CAST: variants seen among roughly 807,000 people sequenced by gnomAD.
The protein encoded by CAST is calpastatin.
Under a neutral mutation model 119.6 loss-of-function variants are expected in CAST, and 76 were observed. The observed-to-expected ratio is 0.64, with a 90% CI of 0.53 to 0.77. CAST has a LOEUF of 0.77. CAST is among the 30% of genes least tolerant of loss of function. The probability of loss-of-function intolerance (pLI) is 0.00; values close to 1 mark genes in which losing one functional copy is unlikely to be tolerated. For synonymous variants in CAST, 319 were observed against 331.6 expected, an observed-to-expected ratio of 0.96 and a Z score of 0.41; for missense variants, 953 against 946.5, an observed-to-expected ratio of 1.01 and a Z score of -0.09.
intron 28 of CAST, 60 bp from the exon 29 acceptor site, chr5:96,767,847 C>T: frequency 1.1e-6 from 1 of 951,450 alleles, no homozygotes; most frequent in Non-Finnish European, 1.7e-6. Context: ...TGGGAAAAGA[C>T]CCCATATTGC....
At chr5:96,340,810 C>T in the CAST span, among the ~76,000 whole-genome samples, 6 of 152,130 alleles carry the variant, frequency 3.9e-5, no homozygotes, top group African/African-American at 1.4e-4. Flanking sequence ...CCAAGCTCTA[C>T]GCAGTATATA....
At chr5:96,620,917 C>T (rs1472190299) in intron 1 of CAST, among the ~76,000 whole-genome samples, 4 of 152,100 alleles carry the variant, frequency 2.6e-5, no homozygotes, top group South Asian at 2.1e-4. Context: ...TTTCAGTCAC[C>T]GTATGTGGTT....
In CAST at chr5:96,558,466, C is replaced by G. The variant is rs192258978; in HGVS notation, c.60+28586C>G. On this transcript the variant is annotated intron_variant, in intron 1 of 11. Transcript: ENST00000505143. ...CAAAATTGAGAGACCACTAGCAAGA[C>G]TAATAAAGAAGAAAAGAGAGAAGAA... Among the ~76,000 whole-genome samples the G allele has an allele frequency of 7.3e-3, 1,106 of 151,986 alleles. 10 individuals carry two copies. Among genetic ancestry groups the G allele is most frequent in the African/African-American group, 0.025 (1,055 of 41,434 alleles).
chr5:96,603,759 CTTTTTTTT>C (rs70981832), intron 1 of CAST, among the ~76,000 whole-genome samples: 4 of 79,498 alleles, frequency 5.0e-5, no homozygotes, highest in South Asian at 6.0e-4. Context: ...GTGCTGTACT[CTTTTTTTT>C]TTTTTTTTTT....
At chr5:96,513,130 G>A in the CAST span, among the ~76,000 whole-genome samples, 1 of 152,184 alleles carries the variant, frequency 6.6e-6, no homozygotes, top group Non-Finnish European at 1.5e-5. Context: ...CTGCTAATTG[G>A]TTGTATGACC....
At chr5:96,047,584 A>G in the CAST span, among the ~76,000 whole-genome samples, 5 of 152,210 alleles carry the variant, frequency 3.3e-5, no homozygotes, top group Non-Finnish European at 1.5e-5. Flanking sequence ...TTAAAATAGA[A>G]TTGTAAAATA....
At chr5:96,221,860 T>G in the CAST span, among the ~76,000 whole-genome samples, 2 of 151,942 alleles carry the variant, frequency 1.3e-5, no homozygotes, top group Admixed American at 1.3e-4. Flanking sequence ...TCAAAGTATA[T>G]TACAAGGCTA....
intron 1 of CAST, among the ~76,000 whole-genome samples, chr5:96,642,114 C>T (rs1301879471): frequency 6.6e-6 from 1 of 152,190 alleles, no homozygotes; most frequent in African/African-American, 2.4e-5. Flanking sequence ...TATAAGCTCT[C>T]CAGAAACCAA....
At chr5:96,693,010 G>C (rs1171217800) in intron 2 of CAST, among the ~76,000 whole-genome samples, 1 of 152,246 alleles carries the variant, frequency 6.6e-6, no homozygotes, top group Non-Finnish European at 1.5e-5. Flanking sequence ...TTACCAATCT[G>C]AAAGTAAGGA....
chr5:96,203,125 A>C, the CAST span, among the ~76,000 whole-genome samples: 3 of 152,136 alleles, frequency 2.0e-5, no homozygotes, highest in African/African-American at 7.2e-5. Context: ...GATTTACAAA[A>C]AAAGATCACA....
At chr5:96,199,525 A>G in the CAST span, among the ~76,000 whole-genome samples, 1 of 152,154 alleles carries the variant, frequency 6.6e-6, no homozygotes, top group African/African-American at 2.4e-5. Context: ...CCAATTCTTG[A>G]TGTACCTATT....
At chr5:96,743,698 C>G (rs26506) in intron 16 of CAST, 3 of 1,611,932 alleles carry the variant, frequency 1.9e-6, no homozygotes, top group African/African-American at 2.7e-5. Flanking sequence ...AGCTTTGTGA[C>G]GGTGAACGCA....
chr5:96,492,152 A>G, the CAST span, among the ~76,000 whole-genome samples: 2 of 152,198 alleles, frequency 1.3e-5, no homozygotes, highest in Non-Finnish European at 2.9e-5. Context: ...GCATGCTTAA[A>G]TAAAATAATT....
the CAST span, among the ~76,000 whole-genome samples, chr5:96,447,361 A>G: frequency 1.3e-5 from 2 of 152,228 alleles, no homozygotes; most frequent in Non-Finnish European, 2.9e-5. Flanking sequence ...ATAAGGACCA[A>G]TTTCCAGAGA....
the CAST span, among the ~76,000 whole-genome samples, chr5:96,218,614 T>A: frequency 2.0e-5 from 3 of 152,204 alleles, no homozygotes; most frequent in Non-Finnish European, 4.4e-5. Context: ...CTACCTCCCC[T>A]CTTCTGAACT....
the CAST span, among the ~76,000 whole-genome samples, chr5:96,420,791 G>A: frequency 2.0e-5 from 3 of 151,118 alleles, no homozygotes; most frequent in Non-Finnish European, 4.4e-5. Flanking sequence ...GAGAGAAAGA[G>A]AGAGAGAGAG....
At chr5:96,204,348 T>A in the CAST span, among the ~76,000 whole-genome samples, 1 of 152,080 alleles carries the variant, frequency 6.6e-6, no homozygotes, top group Non-Finnish European at 1.5e-5. Flanking sequence ...CAGCTATCTC[T>A]GTTGTAATGA....
the CAST span, among the ~76,000 whole-genome samples, chr5:96,364,080 A>G: frequency 6.6e-6 from 1 of 152,298 alleles, no homozygotes; most frequent in East Asian, 1.9e-4. Context: ...TTCTGTATCT[A>G]TTGAGATAAT....
At chr5:95,974,031 C>CA in the CAST span, among the ~76,000 whole-genome samples, 49 of 148,810 alleles carry the variant, frequency 3.3e-4, no homozygotes, top group Admixed American at 1.4e-3. Flanking sequence ...ACACACACAC[C>CA]CCCACTCACC....
Sources: allele counts gnomAD v4.1 joint callset (sites outside exome capture counted in the v4.1 genomes callset), GRCh38; gene constraint gnomAD v4.1.1; transcripts MANE v1.5; gene names NCBI Gene and HGNC (gene_info 2026-07-23, HGNC 2026-07-21).